INPP5A: variants seen among roughly 807,000 people sequenced by gnomAD.
The protein encoded by INPP5A is 43 kDa inositol polyphosphate 5-phophatase.
In INPP5A, 14 loss-of-function variants were observed where a neutral mutation model predicts 65.2. That is an observed-to-expected ratio of 0.21 (90% CI 0.14 to 0.34). The LOEUF (loss-of-function observed/expected upper bound fraction) is 0.34, where lower values mean the gene tolerates loss of function less well. Among genes scored for constraint, INPP5A ranks in the 10% least tolerant of loss-of-function variants. The pLI, the probability that INPP5A is intolerant of heterozygous loss-of-function variation, is 1.00. For synonymous variants in INPP5A, 207 were observed against 208.3 expected (o/e 0.99, Z 0.05); for missense variants, 431 against 545.6 (o/e 0.79, Z 2.09).
intron 5 of INPP5A, among the ~76,000 whole-genome samples, chr10:132,693,949 T>C (rs1055143204): frequency 2.0e-5 from 3 of 152,196 alleles, no homozygotes; most frequent in African/African-American, 7.2e-5. Context: ...TTCAACACCC[T>C]GTATCAGGAA....
chr10:132,618,842 T>C (rs1284945939), intron 2 of INPP5A, among the ~76,000 whole-genome samples: 1 of 152,142 alleles, frequency 6.6e-6, no homozygotes, highest in Non-Finnish European at 1.5e-5. Context: ...AGACCTCATG[T>C]GAACTCAAGA....
intron 1 of INPP5A, among the ~76,000 whole-genome samples, chr10:132,574,375 T>G (rs1462281293): frequency 6.7e-6 from 1 of 149,494 alleles, no homozygotes; most frequent in Admixed American, 6.7e-5. Flanking sequence ...TGTGAGGTTT[T>G]GTTGAGATGT....
Position 132,547,987 on chromosome 10 carries a change from C to T in INPP5A, c.75+9816C>T, listed in dbSNP as rs751124087. Among the ~76,000 whole-genome samples the T allele has an allele frequency of 6.6e-6, 1 of 152,024 alleles. No individual in the cohort carries two copies. Among genetic ancestry groups the T allele is most frequent in the South Asian group, 2.1e-4 (1 of 4,818 alleles). ...TGATCTCACCTCACTGCGACCTCCG[C>T]CTCCCAGGTTCAAGCAGTTCTCCTG... is the stretch of plus-strand genomic sequence containing the variant. On this transcript the variant is annotated intron_variant, in intron 1 of 15. Transcript: ENST00000368594. The surrounding 1 kb of genome is among the most constrained non-coding windows in gnomAD (Gnocchi z 5.5).
rs939469521 is a variant in INPP5A, at chr10:132,545,420, G to T, written c.75+7249G>T. On this transcript the variant is annotated intron_variant, in intron 1 of 15. Transcript: ENST00000368594. The surrounding 1 kb of genome is among the most constrained non-coding windows in gnomAD (Gnocchi z 4.6). ...GGTCTCTCTGAGCTGTGGGGCTCAC[G>T]GAGGGACAGCCTCCAGGAAGGTGGC... Among the ~76,000 whole-genome samples, 6 of 152,180 alleles carry T rather than the reference G, an allele frequency of 3.9e-5. No individual in the cohort carries two copies. The highest frequency in any genetic ancestry group is 1.4e-4 in the African/African-American group (6 of 41,456).
At chr10:132,613,522 T>C (rs2071987596) in intron 2 of INPP5A, among the ~76,000 whole-genome samples, 1 of 152,252 alleles carries the variant, frequency 6.6e-6, no homozygotes, top group South Asian at 2.1e-4. Flanking sequence ...TTTTTCCTGG[T>C]TGCAAAACCA....
intron 4 of INPP5A, among the ~76,000 whole-genome samples, chr10:132,679,374 G>A (rs1221201325): frequency 6.6e-6 from 1 of 152,216 alleles, no homozygotes. Context: ...GGAGACCCAA[G>A]TGGAGACTGT....
chr10:132,754,932 C>T (rs1421266629), intron 11 of INPP5A, among the ~76,000 whole-genome samples: 2 of 150,964 alleles, frequency 1.3e-5, no homozygotes, highest in African/African-American at 2.4e-5. Context: ...CATGAGTGTG[C>T]GTGCATATGC....
intron 9 of INPP5A, among the ~76,000 whole-genome samples, chr10:132,728,622 C>T (rs184162618): frequency 7.4e-4 from 112 of 152,354 alleles, no homozygotes; most frequent in African/African-American, 2.5e-3. Context: ...AAGTACTTCC[C>T]GCTCTGACTG....
intron 2 of INPP5A, among the ~76,000 whole-genome samples, chr10:132,611,682 T>G (rs1380873689): frequency 6.5e-5 from 5 of 76,668 alleles, no homozygotes; most frequent in African/African-American, 2.1e-4. Flanking sequence ...CAGGGGAGGG[T>G]GAGGGAGGTG....
intron 1 of INPP5A, among the ~76,000 whole-genome samples, chr10:132,607,592 T>C (rs1366706595): frequency 2.0e-5 from 3 of 152,242 alleles, no homozygotes; most frequent in African/African-American, 7.2e-5. Flanking sequence ...GTCTCTTCCC[T>C]GGGAGGCTGG....
At chr10:132,548,018 G>A (rs545056265) in intron 1 of INPP5A, among the ~76,000 whole-genome samples, 9 of 152,114 alleles carry the variant, frequency 5.9e-5, no homozygotes, top group African/African-American at 1.4e-4. Flanking sequence ...TCCTGCCTCA[G>A]CCCCCTTAGT....
chr10:132,596,844 C>T (rs928662573), intron 1 of INPP5A, among the ~76,000 whole-genome samples: 3 of 135,958 alleles, frequency 2.2e-5, no homozygotes, highest in Non-Finnish European at 5.0e-5. Flanking sequence ...TGCGTGTGTG[C>T]ATGCGTGTGT....
intron 9 of INPP5A, among the ~76,000 whole-genome samples, chr10:132,749,033 G>A (rs1271159277): frequency 3.9e-5 from 6 of 152,212 alleles, no homozygotes; most frequent in South Asian, 2.1e-4. Flanking sequence ...TCCCTCCCAC[G>A]TCAGCTTCAC....
At chr10:132,715,948 G>A (rs1042258835) in intron 8 of INPP5A, among the ~76,000 whole-genome samples, 24 of 152,230 alleles carry the variant, frequency 1.6e-4, no homozygotes, top group Non-Finnish European at 8.8e-5. Flanking sequence ...GCCCTCTGCC[G>A]TTCCGCTGCC....
At chr10:132,621,607 G>A (rs544729568) in intron 2 of INPP5A, among the ~76,000 whole-genome samples, 18 of 152,276 alleles carry the variant, frequency 1.2e-4, no homozygotes, top group African/African-American at 4.3e-4. Flanking sequence ...CAGTTTACAT[G>A]TGAGGGGGTA....
At position 132,760,464 on chromosome 10, in the gene INPP5A, C is replaced by G. The variant is rs1846713159; in HGVS notation, c.904-5309C>G. Among the ~76,000 whole-genome samples the G allele has an allele frequency of 3.9e-5, 6 of 152,262 alleles. No individual in the cohort carries two copies. In the South Asian group the frequency reaches 1.2e-3, roughly 31 times the overall value. On this transcript the variant is annotated intron_variant, in intron 11 of 15. Coordinates refer to ENST00000368594, the MANE Select transcript of INPP5A (RefSeq NM_005539.5). Reference sequence around the variant, plus strand: ...TCATTGCAAGAGGCCATCTGTGCCCCTGCACTTTGGTGCTGTCCAGGACTG... The same window carrying G: ...TCATTGCAAGAGGCCATCTGTGCCCGTGCACTTTGGTGCTGTCCAGGACTG...
At chr10:132,720,356 G>C (rs895919239) in intron 8 of INPP5A, among the ~76,000 whole-genome samples, 3 of 144,158 alleles carry the variant, frequency 2.1e-5, no homozygotes, top group African/African-American at 8.3e-5. Context: ...CTGTCTTCAG[G>C]GTTCTGTGGT....
At chr10:132,696,711 G>A (rs980776481) in intron 5 of INPP5A, among the ~76,000 whole-genome samples, 7 of 152,168 alleles carry the variant, frequency 4.6e-5, no homozygotes, top group Middle Eastern at 3.2e-3. Context: ...TCCATAAGTC[G>A]CTGAAACATC....
chr10:132,583,127 G>A (rs1198775995), intron 1 of INPP5A, among the ~76,000 whole-genome samples: 1 of 152,162 alleles, frequency 6.6e-6, no homozygotes, highest in Non-Finnish European at 1.5e-5. Context: ...GTGATTTTCA[G>A]TGTAGTGGTT....
Sources: gnomAD v4.1 joint callset for allele counts (sites outside exome capture counted in the v4.1 genomes callset) on GRCh38, gnomAD v4.1.1 for gene constraint, Gnocchi (gnomAD v3.1) non-coding constraint, MANE v1.5 for transcripts, NCBI Gene and HGNC (gene_info 2026-07-23, HGNC 2026-07-21) for gene names.